NKAIN3: variants seen among roughly 807,000 people sequenced by gnomAD.
NKAIN3 encodes the protein sodium/potassium-transporting ATPase subunit beta-1-interacting protein 3.
NKAIN3 carries 25 observed loss-of-function variants against 30.2 expected under a neutral mutation model. The ratio of observed to expected loss-of-function variants is 0.83; its 90% CI spans 0.60 to 1.16. The LOEUF (loss-of-function observed/expected upper bound fraction) is 1.16, where lower values mean the gene tolerates loss of function less well. NKAIN3 is among the 50% of genes most tolerant of loss of function. The pLI, the probability that NKAIN3 is intolerant of heterozygous loss-of-function variation, is 0.00. For missense variants in NKAIN3, 225 were observed against 254.1 expected, an observed-to-expected ratio of 0.89 and a Z score of 0.78; for synonymous variants, 91 against 89.6, an observed-to-expected ratio of 1.02 and a Z score of -0.09.
chr8:62,364,327 A>G (rs1039308565), intron 1 of NKAIN3, among the ~76,000 whole-genome samples: 20 of 152,154 alleles, frequency 1.3e-4, no homozygotes, highest in Non-Finnish European at 4.4e-5. Flanking sequence ...AACTTATGTA[A>G]AAGACTTTTT....
intron 3 of NKAIN3, among the ~76,000 whole-genome samples, chr8:62,695,004 AG>A (rs1465941363): frequency 6.6e-6 from 1 of 152,154 alleles, no homozygotes; most frequent in Non-Finnish European, 1.5e-5. Context: ...GCTTACAATT[AG>A]CTTTTCTCTA....
intron 3 of NKAIN3, among the ~76,000 whole-genome samples, chr8:62,742,954 G>A (rs1416926000): frequency 6.6e-6 from 1 of 152,164 alleles, no homozygotes; most frequent in Non-Finnish European, 1.5e-5. Context: ...ACCAAGCAAA[G>A]GGGGAAGCCC....
intron 2 of NKAIN3, among the ~76,000 whole-genome samples, chr8:62,586,312 C>CT (rs1226615904): frequency 1.3e-5 from 2 of 152,184 alleles, no homozygotes; most frequent in African/African-American, 4.8e-5. Context: ...CAGTTATTGG[C>CT]TGTGAAGCCT....
At chr8:62,426,994 G>A (rs531196786) in intron 1 of NKAIN3, among the ~76,000 whole-genome samples, 1 of 152,086 alleles carries the variant, frequency 6.6e-6, no homozygotes, top group African/African-American at 2.4e-5. Flanking sequence ...GCTGGGGACT[G>A]TTGTATAAGG....
At chr8:62,341,881 TCTATGC>T (rs1349280352) in intron 1 of NKAIN3, among the ~76,000 whole-genome samples, 1 of 152,078 alleles carries the variant, frequency 6.6e-6, no homozygotes, top group Non-Finnish European at 1.5e-5. Flanking sequence ...CCCTTTTTAC[TCTATGC>T]TGTTTCTTGT....
intron 3 of NKAIN3, among the ~76,000 whole-genome samples, chr8:62,692,776 C>G (rs1255907372): frequency 6.6e-6 from 1 of 152,214 alleles, no homozygotes; most frequent in Non-Finnish European, 1.5e-5. Context: ...AAAATACCTC[C>G]TCAACAATTT....
intron 3 of NKAIN3, among the ~76,000 whole-genome samples, chr8:62,599,383 T>A (rs1174402637): frequency 6.6e-6 from 1 of 152,062 alleles, no homozygotes; most frequent in African/African-American, 2.4e-5. Context: ...GGTAATCTCC[T>A]GAAGCCTCAA....
intron 3 of NKAIN3, among the ~76,000 whole-genome samples, chr8:62,632,718 G>GT (rs1338330520): frequency 6.6e-6 from 1 of 151,910 alleles, no homozygotes; most frequent in Non-Finnish European, 1.5e-5. Context: ...GGCCAGGCTG[G>GT]TCTCAAACTC....
chr8:62,941,550 A>C (rs1822953828), intron 5 of NKAIN3, among the ~76,000 whole-genome samples: 1 of 152,200 alleles, frequency 6.6e-6, no homozygotes, highest in Non-Finnish European at 1.5e-5. Context: ...TATTAAAAAG[A>C]TAATCCACCA....
At chr8:62,850,349 A>C (rs1819854305) in intron 4 of NKAIN3, among the ~76,000 whole-genome samples, 3 of 152,052 alleles carry the variant, frequency 2.0e-5, no homozygotes, top group Admixed American at 2.0e-4. Context: ...TAGATTCTGC[A>C]TATTAGCCCT....
Position 62,857,599 on chromosome 8 carries a change from C to G in NKAIN3, c.472-60854C>G, listed in dbSNP as rs577494077. 1.3e-3 allele frequency among the ~76,000 whole-genome samples: 202 copies of G among 152,314 alleles called. 2 individuals carry two copies. Among genetic ancestry groups the G allele is most frequent in the Non-Finnish European group, 1.9e-3 (130 of 68,030 alleles). ...GCCAGTCTTATTTCAGAAAAACAGT[C>G]TTCAAGCTCTGAAATTCTTTCTTCC... On this transcript the variant is annotated intron_variant, in intron 4 of 6. Transcript: ENST00000623646.
At chr8:62,761,754 G>A (rs936826839) in intron 4 of NKAIN3, among the ~76,000 whole-genome samples, 7 of 152,152 alleles carry the variant, frequency 4.6e-5, no homozygotes, top group Admixed American at 6.5e-5. Context: ...TCATATTGCC[G>A]AAAAGAACAG....
At chr8:62,451,386 G>A (rs952719984) in intron 1 of NKAIN3, among the ~76,000 whole-genome samples, 1 of 142,492 alleles carries the variant, frequency 7.0e-6, no homozygotes, top group African/African-American at 2.6e-5. Context: ...TTTAGGTACT[G>A]CAAAGTCTGT....
intron 1 of NKAIN3, among the ~76,000 whole-genome samples, chr8:62,378,846 A>G (rs1315449488): frequency 2.6e-5 from 4 of 152,168 alleles, no homozygotes; most frequent in African/African-American, 9.7e-5. Context: ...GAGCCCCCAC[A>G]CAAAGTCCCA....
intron 1 of NKAIN3, among the ~76,000 whole-genome samples, chr8:62,408,206 C>T (rs535904186): frequency 6.6e-6 from 1 of 152,298 alleles, no homozygotes; most frequent in South Asian, 2.1e-4. Context: ...ACTTATTCAT[C>T]ACATTACTTA....
intron 6 of NKAIN3, among the ~76,000 whole-genome samples, chr8:62,962,020 G>T (rs1460033136): frequency 6.6e-6 from 1 of 152,006 alleles, no homozygotes. Flanking sequence ...CATAAATTTG[G>T]CCCAGGCAGT....
At chr8:62,737,910 TATC>T (rs1293978072) in intron 3 of NKAIN3, among the ~76,000 whole-genome samples, 1 of 152,206 alleles carries the variant, frequency 6.6e-6, no homozygotes, top group African/African-American at 2.4e-5. Context: ...TAAAATGAGT[TATC>T]ATTGATGGGC....
At chr8:62,943,708 T>C (rs925739974) in intron 5 of NKAIN3, among the ~76,000 whole-genome samples, 39 of 149,158 alleles carry the variant, frequency 2.6e-4, no homozygotes, top group African/African-American at 8.3e-4. Flanking sequence ...TGTATATATA[T>C]AAAGAAAATT....
chr8:62,510,046 T>G (rs150452722), intron 1 of NKAIN3, among the ~76,000 whole-genome samples: 2 of 152,074 alleles, frequency 1.3e-5, no homozygotes, highest in East Asian at 3.9e-4. Context: ...ACTGGGTGGA[T>G]GAAAGAAAAC....
Sources: gnomAD v4.1 joint callset for allele counts (sites outside exome capture counted in the v4.1 genomes callset) on GRCh38, gnomAD v4.1.1 for gene constraint, MANE v1.5 for transcripts, NCBI Gene and HGNC (gene_info 2026-07-23, HGNC 2026-07-21) for gene names.